ODR4: variants seen among roughly 807,000 people sequenced by gnomAD.
The protein encoded by ODR4 is protein odr-4 homolog.
Under a neutral mutation model 60.2 loss-of-function variants are expected in ODR4, and 47 were observed. That is an observed-to-expected ratio of 0.78 (90% CI 0.62 to 1.00). The LOEUF is 1.00. Ranked by LOEUF, ODR4 falls within the 50% of genes least tolerant of loss-of-function variation. The pLI is 0.00. For synonymous variants in ODR4, 178 were observed against 175.5 expected, an observed-to-expected ratio of 1.01 and a Z score of -0.11; for missense variants, 488 against 530.8, an observed-to-expected ratio of 0.92 and a Z score of 0.79.
At chr1:186,417,194 C>T (rs1182342508) in intron 12 of ODR4, among the ~76,000 whole-genome samples, 13 of 151,940 alleles carry the variant, frequency 8.6e-5, no homozygotes, top group Admixed American at 8.5e-4. Context: ...AACTCCTGAG[C>T]TCAGGCACTC....
chr1:186,398,411 C>G lies in ODR4; in HGVS notation c.879C>G (p.Ser293Arg), dbSNP rs1660782589. ...TGAAATGCAGAGCTTATATCCACAG[C>G]AGTAAACCCAAAGTTAAAGATGCTG... ...GAVKCRAYIH[S>R]SKPKVKDAVQ... The change falls in exon 10 of 14, where the codon AGC (serine) becomes AGG (arginine). Residue 293 changes from serine (S) to arginine (R), a missense_variant. Coordinates refer to ENST00000287859, the MANE Select transcript of ODR4 (RefSeq NM_017847.6). The G allele has an allele frequency of 6.2e-7, 1 of 1,607,200 alleles. No individual in the cohort carries two copies. The highest frequency in any genetic ancestry group is 2.2e-5 in the East Asian group (1 of 44,500).
downstream of ODR4, among the ~76,000 whole-genome samples, chr1:186,426,362 G>A (rs1183968418): frequency 1.3e-5 from 2 of 152,350 alleles, no homozygotes; most frequent in African/African-American, 2.4e-5. Context: ...ACGTGATGCT[G>A]TGTGGGGTAT....
chr1:186,427,453 C>T, the ODR4 span, among the ~76,000 whole-genome samples: 5 of 152,122 alleles, frequency 3.3e-5, no homozygotes, highest in African/African-American at 1.2e-4. Flanking sequence ...ATCATGATAT[C>T]GCACCAATTT....
At chr1:186,382,119 G>T (rs1167777533) in intron 2 of ODR4, among the ~76,000 whole-genome samples, 3 of 151,906 alleles carry the variant, frequency 2.0e-5, no homozygotes, top group Non-Finnish European at 4.4e-5. Context: ...TACAGCTGAA[G>T]AACAGATTGG....
chr1:186,406,162 T>C lies in ODR4; in HGVS notation c.1080T>C (p.Tyr360=). The C allele has an allele frequency of 1.2e-6, 2 of 1,612,900 alleles. No individual in the cohort carries two copies. The highest frequency in any genetic ancestry group is 2.7e-5 in the African/African-American group (2 of 75,010). Residue 360 remains tyrosine, a synonymous_variant, in exon 12 of 14, where the codon TAT becomes TAC. Transcript: ENST00000287859. ...GATCCACTGTAATGTTGTGTGATTA[T>C]AAATTTGACGATGAGTCAGCTGAAG... ...LPGSTVMLCD[Y]KFDDESAEEI... is the part of the protein sequence containing the mutation.
intron 12 of ODR4, chr1:186,411,960 A>G (rs1018161663): frequency 5.9e-6 from 2 of 339,990 alleles, no homozygotes; most frequent in Non-Finnish European, 8.3e-6. Context: ...CATTTTTCTA[A>G]TATTGTATAA....
At chr1:186,387,169 C>A (rs1660284865) in intron 4 of ODR4, among the ~76,000 whole-genome samples, 1 of 152,038 alleles carries the variant, frequency 6.6e-6, no homozygotes, top group Non-Finnish European at 1.5e-5. Context: ...AGTCTTGTAA[C>A]CTGTCCTGTC....
At chr1:186,377,640 A>T (rs1163329851) in intron 1 of ODR4, among the ~76,000 whole-genome samples, 1 of 152,250 alleles carries the variant, frequency 6.6e-6, no homozygotes, top group Non-Finnish European at 1.5e-5. Context: ...CATTACTAAA[A>T]GGTAAAAGCC....
At chr1:186,428,578 T>A in the ODR4 span, among the ~76,000 whole-genome samples, 3 of 152,360 alleles carry the variant, frequency 2.0e-5, no homozygotes, top group East Asian at 1.9e-4. Context: ...TTTCAAGAAC[T>A]TTTCCTTTGC....
chr1:186,383,641 T>TA (rs1289573955), intron 3 of ODR4, among the ~76,000 whole-genome samples: 2 of 150,064 alleles, frequency 1.3e-5, no homozygotes, highest in Non-Finnish European at 1.5e-5. Flanking sequence ...TTTAAATCTT[T>TA]AAATCTTTTA....
At chr1:186,412,517 T>C (rs1270587065) in intron 12 of ODR4, among the ~76,000 whole-genome samples, 1 of 152,202 alleles carries the variant, frequency 6.6e-6, no homozygotes, top group Admixed American at 6.5e-5. Flanking sequence ...AGGAATGATA[T>C]AGTAATTCTG....
Position 186,409,292 on chromosome 1 carries a change from A to G in ODR4, c.1186+3024A>G, listed in dbSNP as rs186803718. ...TGACAGCCTCCCAAAACCAAAACTA[A>G]AACCCAATAAATTCAAATTCTCATG... On this transcript the variant is annotated intron_variant, in intron 12 of 13. Coordinates refer to ENST00000287859, the MANE Select transcript of ODR4 (RefSeq NM_017847.6). 1.5e-3 allele frequency among the ~76,000 whole-genome samples: 235 copies of G among 152,278 alleles called. 2 individuals carry two copies. The highest frequency in any genetic ancestry group is 5.3e-3 in the African/African-American group (221 of 41,552).
intron 12 of ODR4, chr1:186,411,811 T>G: frequency 6.4e-6 from 6 of 935,836 alleles, no homozygotes; most frequent in Non-Finnish European, 7.6e-6. Flanking sequence ...ATGCTGACAG[T>G]CTAGTATAGA....
intron 9 of ODR4, among the ~76,000 whole-genome samples, chr1:186,395,756 T>G (rs548097128): frequency 5.9e-5 from 9 of 152,324 alleles, no homozygotes; most frequent in African/African-American, 2.2e-4. Flanking sequence ...TCTATCCTGT[T>G]TATACACTCA....
downstream of ODR4, among the ~76,000 whole-genome samples, chr1:186,424,090 G>C (rs1449470606): frequency 6.6e-6 from 1 of 152,092 alleles, no homozygotes; most frequent in Non-Finnish European, 1.5e-5. Flanking sequence ...AGAAATTCTT[G>C]GATATGTGTA....
At chr1:186,405,403 A>G (rs1330770488) in intron 11 of ODR4, among the ~76,000 whole-genome samples, 1 of 152,200 alleles carries the variant, frequency 6.6e-6, no homozygotes, top group Non-Finnish European at 1.5e-5. Context: ...TATAAAATGT[A>G]CAGTGCCTAT....
chr1:186,416,392 C>G (rs536752702), intron 12 of ODR4, among the ~76,000 whole-genome samples: 2 of 151,996 alleles, frequency 1.3e-5, no homozygotes, highest in Non-Finnish European at 2.9e-5. Flanking sequence ...AAAAATTAGG[C>G]CAGGTGTGAT....
Position 186,398,999 on chromosome 1 carries a change from A to T in ODR4, c.955A>T (p.Met319Leu). 1.2e-6 allele frequency: 2 copies of T among 1,613,124 alleles called. No individual in the cohort carries two copies. Among genetic ancestry groups the T allele is most frequent in the Non-Finnish European group, 1.7e-6 (2 of 1,179,522 alleles). ...GAACACAGTTGCTGATCGTTGTGAA[A>T]TGCTATTTGAGGATCTGCTTTTGAA... ...ILNTVADRCE[M>L]LFEDLLLNEI... The change falls in exon 11 of 14, where the codon ATG becomes TTG. Residue 319 changes from methionine (M) to leucine (L), a missense_variant. Met to Leu is a conservative substitution (Grantham distance 15, BLOSUM62 2). Transcript: ENST00000287859.
At chr1:186,431,501 T>G in the ODR4 span, among the ~76,000 whole-genome samples, 1 of 152,172 alleles carries the variant, frequency 6.6e-6, no homozygotes. Context: ...AAATTTAGTT[T>G]AATGATGGCC....
Sources: allele counts gnomAD v4.1 joint callset (sites outside exome capture counted in the v4.1 genomes callset), GRCh38; gene constraint gnomAD v4.1.1; transcripts MANE v1.5; gene names NCBI Gene and HGNC (gene_info 2026-07-23, HGNC 2026-07-21).